The following NFATC2IP variants were observed in gnomAD, a reference collection of about 807,000 sequenced individuals.
NFATC2IP encodes nuclear factor of activated T cells 2 interacting protein, also known as NFATC2-interacting protein.
NFATC2IP carries 25 observed loss-of-function variants against 40.2 expected under a neutral mutation model. The ratio of observed to expected loss-of-function variants is 0.62; its 90% CI spans 0.45 to 0.87. The LOEUF (loss-of-function observed/expected upper bound fraction) is 0.87, where lower values mean the gene tolerates loss of function less well. Among genes scored for constraint, NFATC2IP ranks in the 40% least tolerant of loss-of-function variants. The pLI, the probability that NFATC2IP is intolerant of heterozygous loss-of-function variation, is 0.00. For synonymous variants in NFATC2IP, 241 were observed against 236.3 expected, an observed-to-expected ratio of 1.02 and a Z score of -0.18; for missense variants, 553 against 555.6, an observed-to-expected ratio of 1.00 and a Z score of 0.05.
At position 28,959,100 on chromosome 16, in the gene NFATC2IP, A is replaced by G. The variant is rs147898792; in HGVS notation, c.1101A>G (p.Arg367=). 21 of 1,584,964 alleles carry G rather than the reference A, an allele frequency of 1.3e-5. No individual in the cohort carries two copies. In the African/African-American group the frequency reaches 2.6e-4, roughly 19 times the overall value. Residue 367 remains arginine (R), a splice_region_variant and synonymous_variant, in exon 7 of 8, where the codon CGA becomes CGG. Coordinates refer to ENST00000320805, the MANE Select transcript of NFATC2IP (RefSeq NM_032815.4). ...KHQTLEVSLS[R]DSPLKTLMSH... ...AGACACTGGAAGTCTCACTGTCTCG[A>G]GTGAGTGGGAGAGATGGCTCTCCAC...
At position 28,963,868 on chromosome 16, in the gene NFATC2IP, C is replaced by T. The variant is rs370474345; in HGVS notation, c.*5C>T. 37 of 1,613,736 alleles carry T rather than the reference C, an allele frequency of 2.3e-5. No homozygotes were observed. The highest frequency in any genetic ancestry group is 3.1e-5 in the Non-Finnish European group (36 of 1,179,750). On this transcript the variant is annotated 3_prime_UTR_variant, in exon 8 of 8. Coordinates refer to ENST00000320805, the MANE Select transcript of NFATC2IP (RefSeq NM_032815.4). ...CTCATTGAGGTCTGGGGCTGACACC[C>T]CACTCCCTGTTTGACGGCCCAGCCT...
chr16:28,961,272 G>A (rs778992632), intron 7 of NFATC2IP, among the ~76,000 whole-genome samples: 34 of 142,922 alleles, frequency 2.4e-4, no homozygotes, highest in Non-Finnish European at 3.8e-4. Context: ...AGGCTGCAGT[G>A]AGCTGAGATT....
At chr16:28,952,001 G>T (rs1964971791) in intron 1 of NFATC2IP, 131 bp from the exon 2 acceptor site, 2 of 1,189,952 alleles carry the variant, frequency 1.7e-6, no homozygotes, top group Non-Finnish European at 2.4e-6. Flanking sequence ...AGGTTGCCAG[G>T]AGAGGGCCAA....
chr16:28,951,391 CG>C lies in NFATC2IP; in HGVS notation c.384del (p.Lys129ArgfsTer16). On this transcript the variant is annotated frameshift_variant, in exon 1 of 8. Transcript: ENST00000320805. ...GAGGCGCCGCTGGTTCCGGTGTACT[CG>C]GGGAAGGTGCGCCCGGTCCCGGGGA... ...PGEAPLVPVY[S>X]GKVKSSLRLI... 1.4e-6 allele frequency: 2 copies of C among 1,392,912 alleles called. No homozygotes were observed. Among genetic ancestry groups the C allele is most frequent in the Non-Finnish European group, 1.9e-6 (2 of 1,076,500 alleles). 86.3% of individuals were successfully genotyped at this position (1,392,912 alleles called of 1,614,324 possible). A position where few individuals can be genotyped will look rare whatever the true frequency, so the allele number is the denominator to read the frequency against.
Position 28,966,947 on chromosome 16 carries a change from G to A in NFATC2IP, c.*3084G>A, listed in dbSNP as rs944777886. ...TCTTAAAATGTTTTATTGAAATGTG[G>A]CATTCCTTTGAATTTTATGACATTA... On this transcript the variant is annotated 3_prime_UTR_variant, in exon 8 of 8. Coordinates refer to ENST00000320805, the MANE Select transcript of NFATC2IP (RefSeq NM_032815.4). 1.2e-4 allele frequency: 19 copies of A among 152,098 alleles called. No homozygotes were observed. The highest frequency in any genetic ancestry group is 4.3e-4 in the African/African-American group (18 of 41,406). 9.4% of individuals were successfully genotyped at this position (152,098 alleles called of 1,614,324 possible). A position where few individuals can be genotyped will look rare whatever the true frequency, so the allele number is the denominator to read the frequency against.
Position 28,966,932 on chromosome 16 carries a change from T to C in NFATC2IP, c.*3069T>C, listed in dbSNP as rs1300152449. ...AAAAGTATGTCAACTTCTTAAAATG[T>C]TTTATTGAAATGTGGCATTCCTTTG... On this transcript the variant is annotated 3_prime_UTR_variant, in exon 8 of 8. Transcript: ENST00000320805. 6.6e-6 allele frequency: 1 copy of C among 152,210 alleles called. No homozygotes were observed. Among genetic ancestry groups the C allele is most frequent in the Non-Finnish European group, 1.5e-5 (1 of 68,038 alleles). 9.4% of individuals were successfully genotyped at this position (152,210 alleles called of 1,614,324 possible).
chr16:28,951,495 T>G, intron 1 of NFATC2IP, 97 bp downstream of exon 1: 1 of 1,192,272 alleles, frequency 8.4e-7, no homozygotes, highest in South Asian at 2.6e-5. Flanking sequence ...ATAGGGGTGT[T>G]GAGGCTGGCG....
intron 7 of NFATC2IP, among the ~76,000 whole-genome samples, chr16:28,961,899 C>CA (rs1161300546): frequency 0.021 from 1,020 of 48,750 alleles, 36 homozygotes; most frequent in African/African-American, 0.042. Context: ...GACTTCGTCT[C>CA]AAAAAAAAAA....
rs1965053811 is a variant in NFATC2IP, at chr16:28,958,990, G to T, written c.992-1G>T. 6.2e-7 allele frequency: 1 copy of T among 1,612,128 alleles called. No individual in the cohort carries two copies. ...TGGCTTCCTGATTCTGCCTCCCACAGACTGTGTGGTACTAACAAGTTCTCC... is the reference window on the plus strand; with the variant it reads ...TGGCTTCCTGATTCTGCCTCCCACATACTGTGTGGTACTAACAAGTTCTCC... On this transcript the variant is annotated splice_acceptor_variant, in intron 6 of 7. Coordinates refer to ENST00000320805, the MANE Select transcript of NFATC2IP (RefSeq NM_032815.4). LOFTEE classifies it high-confidence loss of function.
intron 7 of NFATC2IP, among the ~76,000 whole-genome samples, chr16:28,961,772 C>T (rs996571545): frequency 4.6e-5 from 7 of 151,568 alleles, no homozygotes; most frequent in African/African-American, 1.7e-4. Context: ...TGGTGGCATG[C>T]GCCTATAGTC....
chr16:28,953,917 C>CAAAAA (rs901619937), intron 2 of NFATC2IP, among the ~76,000 whole-genome samples: 1 of 109,254 alleles, frequency 9.2e-6, no homozygotes, highest in Non-Finnish European at 2.0e-5. Context: ...GACCTGGTCT[C>CAAAAA]AAAAAAAAAA....
At position 28,951,363 on chromosome 16, in the gene NFATC2IP, G is replaced by A; in HGVS notation, c.352G>A (p.Gly118Arg). ...RRRRRLVLDP[G>R]EAPLVPVYSG... ...GCGGCGGCGGCTGGTGCTGGATCCGGGGGAGGCGCCGCTGGTTCCGGTGTA... is the reference window on the plus strand; with the variant it reads ...GCGGCGGCGGCTGGTGCTGGATCCGAGGGAGGCGCCGCTGGTTCCGGTGTA... The change falls in exon 1 of 8, where the codon GGG becomes AGG. Residue 118 changes from glycine (G) to arginine (R), a missense_variant. Physicochemically the swap from Gly to Arg is moderately radical, Grantham distance 125. Coordinates refer to ENST00000320805, the MANE Select transcript of NFATC2IP (RefSeq NM_032815.4). The A allele has an allele frequency of 2.1e-6, 3 of 1,410,638 alleles. No individual in the cohort carries two copies. The highest frequency in any genetic ancestry group is 2.8e-6 in the Non-Finnish European group (3 of 1,084,204). The allele number at this position is 1,410,638 out of a possible 1,614,324, so 87.4% of individuals were successfully genotyped here. A position where few individuals can be genotyped will look rare whatever the true frequency, so the allele number is the denominator to read the frequency against.
intron 7 of NFATC2IP, among the ~76,000 whole-genome samples, chr16:28,962,316 T>C (rs982908847): frequency 6.6e-6 from 1 of 152,200 alleles, no homozygotes; most frequent in Non-Finnish European, 1.5e-5. Context: ...TGAAGAGATG[T>C]GTAGGGCACA....
chr16:28,960,450 ATCAAC>A (rs1965073157), intron 7 of NFATC2IP, among the ~76,000 whole-genome samples: 1 of 152,138 alleles, frequency 6.6e-6, no homozygotes, highest in Non-Finnish European at 1.5e-5. Context: ...TTTAAATATA[ATCAAC>A]TCAAGAAGTC....
intron 7 of NFATC2IP, among the ~76,000 whole-genome samples, chr16:28,960,682 C>A (rs1202874926): frequency 6.6e-6 from 1 of 152,130 alleles, no homozygotes; most frequent in Non-Finnish European, 1.5e-5. Flanking sequence ...ACCTGTAACC[C>A]CAGCACCTGT....
rs376638547 is a variant in NFATC2IP at position 28,954,583 on chromosome 16, C to G, written c.479C>G (p.Ser160Trp). The change falls in exon 3 of 8, where the codon TCG becomes TGG. Residue 160 changes from serine (S) to tryptophan (W), a missense_variant. Ser to Trp is a radical substitution (Grantham distance 177, BLOSUM62 -3). Coordinates refer to ENST00000320805, the MANE Select transcript of NFATC2IP (RefSeq NM_032815.4). ...CCCCCAGAGGCAGAGCTGGCAGATT[C>G]GAGTGGTCTCTACCATGAGGGCTCC... ...GDEEEAELAD[S>W]SGLYHEGSPS... The G allele has an allele frequency of 1.2e-6, 2 of 1,613,136 alleles. No homozygotes were observed. Among genetic ancestry groups the G allele is most frequent in the Non-Finnish European group, 8.5e-7 (1 of 1,179,270 alleles).
In NFATC2IP at chr16:28,956,351, G is replaced by GCC; in HGVS notation, c.846+16_846+17dup. 1.2e-6 allele frequency: 2 copies of GCC among 1,608,596 alleles called. No individual in the cohort carries two copies. Among genetic ancestry groups the GCC allele is most frequent in the Non-Finnish European group, 1.7e-6 (2 of 1,176,222 alleles). ...CCCCTCAGGATGGTGAGTGCCTGAG[G>GCC]CCCATGGGAGAAGGACCCAGGAGCT... On this transcript the variant is annotated intron_variant, in intron 5 of 7. Transcript: ENST00000320805.
chr16:28,958,371 G>T, intron 5 of NFATC2IP: 1 of 165,798 alleles, frequency 6.0e-6, no homozygotes, highest in Non-Finnish European at 1.3e-5. Flanking sequence ...AAAAAAAAAA[G>T]AAAAATATAG....
rs2141650641 is a variant in NFATC2IP, at chr16:28,964,486, T to C, written c.*623T>C. 1 of 152,594 alleles carries C rather than the reference T, an allele frequency of 6.6e-6. No homozygotes were observed. The highest frequency in any genetic ancestry group is 1.5e-5 in the Non-Finnish European group (1 of 68,162). The allele number at this position is 152,594 out of a possible 1,614,324, so 9.5% of individuals were successfully genotyped here. ...ACCTGAGGACCCTTCAGAGCCACCC[T>C]TTCTAGTTTGCATTTCCTGGTGCAC... On this transcript the variant is annotated 3_prime_UTR_variant, in exon 8 of 8. Coordinates refer to ENST00000320805, the MANE Select transcript of NFATC2IP (RefSeq NM_032815.4).
Sources: gnomAD v4.1 joint callset for allele counts (sites outside exome capture counted in the v4.1 genomes callset) on GRCh38, gnomAD v4.1.1 for gene constraint, MANE v1.5 for transcripts, NCBI Gene and HGNC (gene_info 2026-07-23, HGNC 2026-07-21) for gene names.